Variants in STON2 observed in about 807,000 individuals in gnomAD.
STON2 encodes stonin 2.
STON2 carries 29 observed loss-of-function variants against 65.7 expected under a neutral mutation model. The ratio of observed to expected loss-of-function variants is 0.44; its 90% CI spans 0.33 to 0.60. STON2 has a LOEUF of 0.60. Among genes scored for constraint, STON2 ranks in the 20% least tolerant of loss-of-function variants. STON2 has a pLI of 0.03. For synonymous variants in STON2, 404 were observed against 414.2 expected (o/e 0.98, Z 0.30); for missense variants, 1,054 against 1,118.1 (o/e 0.94, Z 0.82).
At chr14:81,353,825 T>C (rs1030666403) in intron 4 of STON2, among the ~76,000 whole-genome samples, 5 of 152,114 alleles carry the variant, frequency 3.3e-5, no homozygotes, top group Non-Finnish European at 4.4e-5. Flanking sequence ...AAACAGGATG[T>C]AGACCTTGGT....
intron 7 of STON2, chr14:81,269,487 C>G: frequency 3.0e-6 from 3 of 985,418 alleles, no homozygotes; most frequent in African/African-American, 1.7e-5. Context: ...ATTCTTTGAG[C>G]TCAGGGTTCA....
chr14:81,322,389 A>G (rs1050676166), intron 5 of STON2, among the ~76,000 whole-genome samples: 1 of 152,206 alleles, frequency 6.6e-6, no homozygotes, highest in African/African-American at 2.4e-5. Flanking sequence ...AATTTGAACC[A>G]GCAATCTCTA....
At chr14:81,296,052 T>C (rs1895748953) in intron 5 of STON2, among the ~76,000 whole-genome samples, 1 of 152,168 alleles carries the variant, frequency 6.6e-6, no homozygotes. Flanking sequence ...CCGTAGTATT[T>C]TGGGATGAGA....
At chr14:81,386,350 C>T (rs1028590531) in intron 3 of STON2, among the ~76,000 whole-genome samples, 3 of 146,448 alleles carry the variant, frequency 2.0e-5, no homozygotes, top group Non-Finnish European at 2.9e-5. Flanking sequence ...CCACTCACTA[C>T]CCCCATTAGC....
chr14:81,366,924 T>C (rs1350438467), intron 4 of STON2, among the ~76,000 whole-genome samples: 2 of 152,140 alleles, frequency 1.3e-5, no homozygotes, highest in African/African-American at 2.4e-5. Flanking sequence ...CAGTTCCATT[T>C]TACAGATAAG....
chr14:81,399,939 A>G (rs574440874), intron 1 of STON2, among the ~76,000 whole-genome samples: 2 of 152,210 alleles, frequency 1.3e-5, no homozygotes, highest in African/African-American at 2.4e-5. Flanking sequence ...GTGTGTTTGA[A>G]GCACCACACT....
At chr14:81,283,730 T>C (rs937794672) in intron 5 of STON2, among the ~76,000 whole-genome samples, 1 of 152,018 alleles carries the variant, frequency 6.6e-6, no homozygotes, top group Non-Finnish European at 1.5e-5. Flanking sequence ...GGGGTTTCAC[T>C]GTGTTAGCCA....
intron 5 of STON2, among the ~76,000 whole-genome samples, chr14:81,293,121 T>C (rs1458985098): frequency 6.6e-6 from 1 of 151,848 alleles, no homozygotes; most frequent in Non-Finnish European, 1.5e-5. Context: ...GGGGCTAAGT[T>C]ATTCAGACGG....
chr14:81,335,385 A>C (rs536926008), intron 4 of STON2, among the ~76,000 whole-genome samples: 2 of 152,342 alleles, frequency 1.3e-5, no homozygotes, highest in East Asian at 1.9e-4. Context: ...GACCAAGTAT[A>C]TCTTTCCCCA....
At chr14:81,325,385 G>A (rs1398209489) in intron 4 of STON2, among the ~76,000 whole-genome samples, 4 of 152,128 alleles carry the variant, frequency 2.6e-5, no homozygotes, top group Non-Finnish European at 2.9e-5. Context: ...CCAAAGAGGG[G>A]AAGGGATCTT....
intron 5 of STON2, among the ~76,000 whole-genome samples, chr14:81,307,705 C>T (rs563007254): frequency 3.2e-4 from 48 of 152,172 alleles, no homozygotes; most frequent in Non-Finnish European, 4.6e-4. Flanking sequence ...GTGAAGGAGA[C>T]GAGGATGATA....
chr14:81,294,212 ACTC>A (rs1239504170), intron 5 of STON2, among the ~76,000 whole-genome samples: 12 of 151,974 alleles, frequency 7.9e-5, no homozygotes, highest in Admixed American at 7.9e-4. Flanking sequence ...ATGCCTCTTT[ACTC>A]TCCCTGATTC....
chr14:81,435,030 T>C (rs1476480570), intron 1 of STON2, among the ~76,000 whole-genome samples: 2 of 152,128 alleles, frequency 1.3e-5, no homozygotes, highest in Non-Finnish European at 2.9e-5. Context: ...AGTATAAAAC[T>C]TTCAAATACT....
At chr14:81,395,856 G>T in intron 3 of STON2, 38 bp downstream of exon 3, 2 of 1,607,460 alleles carry the variant, frequency 1.2e-6, no homozygotes, top group South Asian at 2.2e-5. Context: ...CATCCCTGCT[G>T]ACCACAAACC....
intron 1 of STON2, among the ~76,000 whole-genome samples, chr14:81,429,987 C>G (rs1376415066): frequency 6.6e-6 from 1 of 152,042 alleles, no homozygotes; most frequent in East Asian, 1.9e-4. Flanking sequence ...TTCTCTCCCA[C>G]TTGACCCCTT....
At chr14:81,307,146 A>T (rs560195369) in intron 5 of STON2, among the ~76,000 whole-genome samples, 1 of 152,370 alleles carries the variant, frequency 6.6e-6, no homozygotes, top group East Asian at 1.9e-4. Flanking sequence ...CACAGGCCAG[A>T]ATTAACAAGA....
intron 5 of STON2, among the ~76,000 whole-genome samples, chr14:81,293,505 G>A (rs1895644661): frequency 1.3e-5 from 2 of 152,182 alleles, no homozygotes; most frequent in South Asian, 4.2e-4. Context: ...CAAGGTTCCT[G>A]GCCATCTGTG....
intron 2 of STON2, among the ~76,000 whole-genome samples, chr14:81,397,182 T>A (rs533653011): frequency 5.3e-5 from 8 of 152,336 alleles, no homozygotes; most frequent in Admixed American, 4.6e-4. Flanking sequence ...TAAAGGTTTT[T>A]AATCAAATAA....
At chr14:81,407,435 T>C (rs889145561) in intron 2 of STON2, among the ~76,000 whole-genome samples, 30 of 152,228 alleles carry the variant, frequency 2.0e-4, no homozygotes, top group African/African-American at 7.0e-4. Flanking sequence ...AGCTATGCTA[T>C]ATAATACAAA....
Sources: gnomAD v4.1 joint callset for allele counts (sites outside exome capture counted in the v4.1 genomes callset) on GRCh38, gnomAD v4.1.1 for gene constraint, MANE v1.5 for transcripts, NCBI Gene and HGNC (gene_info 2026-07-23, HGNC 2026-07-21) for gene names.